The following TSHZ1 variants were observed in gnomAD, a reference collection of about 807,000 sequenced individuals.
TSHZ1 encodes teashirt homolog 1.
A neutral mutation model predicts 67.1 loss-of-function variants in TSHZ1; 12 were observed. That is an observed-to-expected ratio of 0.18 (90% confidence interval 0.11 to 0.29). TSHZ1 has a LOEUF of 0.29. Ranked by LOEUF, TSHZ1 falls within the 10% of genes least tolerant of loss-of-function variation. The pLI, the probability that TSHZ1 is intolerant of heterozygous loss-of-function variation, is 1.00. For synonymous variants in TSHZ1, 632 were observed against 622.4 expected (o/e 1.02, Z -0.23); for missense variants, 1,305 against 1,413.9 (o/e 0.92, Z 1.23).
intron 1 of TSHZ1, among the ~76,000 whole-genome samples, chr18:75,231,050 A>T (rs554306130): frequency 6.6e-6 from 1 of 152,146 alleles, no homozygotes; most frequent in Non-Finnish European, 1.5e-5. Context: ...GGCCAGCCTG[A>T]TGGTGTTTTT....
At chr18:75,265,105 G>C (rs1359543529) in intron 1 of TSHZ1, among the ~76,000 whole-genome samples, 2 of 152,186 alleles carry the variant, frequency 1.3e-5, no homozygotes, top group Non-Finnish European at 2.9e-5. Flanking sequence ...CCGTGGTAGA[G>C]AAATGTTTTG....
rs138461444 is a variant in TSHZ1 at position 75,289,250 on chromosome 18, A to C, written c.*609A>C. 0.021 allele frequency: 3,497 copies of C among 166,972 alleles called. 117 individuals are homozygous for C. Among genetic ancestry groups the C allele is most frequent in the African/African-American group, 0.075 (3,131 of 41,498 alleles). 10.3% of individuals were successfully genotyped at this position (166,972 alleles called of 1,614,324 possible). A position where few individuals can be genotyped will look rare whatever the true frequency, so the allele number is the denominator to read the frequency against. ...GCTGTCTAGGACTCACGGGGTTCGG[A>C]AGCCACACCTCTACATGTCTAAAAC... On this transcript the variant is annotated 3_prime_UTR_variant, in exon 2 of 2. Transcript: ENST00000580243.
intron 1 of TSHZ1, among the ~76,000 whole-genome samples, chr18:75,215,251 C>T (rs181155319): frequency 6.6e-6 from 1 of 152,338 alleles, no homozygotes; most frequent in East Asian, 1.9e-4. Flanking sequence ...CAGAATAGAT[C>T]TGTACCAGAG....
At chr18:75,261,694 G>A (rs1467092068) in intron 1 of TSHZ1, among the ~76,000 whole-genome samples, 1 of 152,226 alleles carries the variant, frequency 6.6e-6, no homozygotes, top group Non-Finnish European at 1.5e-5. Context: ...ACTGATAAGA[G>A]GAAGTCACAG....
intron 1 of TSHZ1, among the ~76,000 whole-genome samples, chr18:75,277,298 C>T (rs770200063): frequency 6.6e-6 from 1 of 152,130 alleles, no homozygotes; most frequent in Non-Finnish European, 1.5e-5. Flanking sequence ...ATTTGAGTGG[C>T]ATGAAGCTAA....
At chr18:75,248,124 T>C (rs2023247281) in intron 1 of TSHZ1, among the ~76,000 whole-genome samples, 1 of 152,214 alleles carries the variant, frequency 6.6e-6, no homozygotes, top group South Asian at 2.1e-4. Context: ...TATGTGAGCT[T>C]ACAAAAATGT....
intron 1 of TSHZ1, among the ~76,000 whole-genome samples, chr18:75,258,385 G>A (rs753860933): frequency 9.2e-5 from 14 of 152,124 alleles, no homozygotes; most frequent in Non-Finnish European, 1.9e-4. Flanking sequence ...ATGTAGTAAC[G>A]GTTGCTTTCA....
At position 75,232,228 on chromosome 18, in the gene TSHZ1, G is replaced by T. The variant is rs58641902; in HGVS notation, c.40+20312G>T. On this transcript the variant is annotated intron_variant, in intron 1 of 1. Coordinates refer to ENST00000580243, the MANE Select transcript of TSHZ1 (RefSeq NM_001308210.2). ...GCGCCCGGACTTTTTTTTAGTAATT[G>T]AGGCTAGATTTCCCTCATTTTGAAT... Among the ~76,000 whole-genome samples the T allele has an allele frequency of 7.2e-5, 11 of 152,182 alleles. 1 individual carries two copies. In the East Asian group the frequency reaches 1.9e-3, roughly 27 times the overall value.
intron 1 of TSHZ1, among the ~76,000 whole-genome samples, chr18:75,253,838 T>C (rs2023333103): frequency 6.6e-6 from 1 of 152,274 alleles, no homozygotes; most frequent in Non-Finnish European, 1.5e-5. Context: ...GAAGGCCTTT[T>C]GCAGATATTG....
At chr18:75,221,545 T>C (rs1376084383) in intron 1 of TSHZ1, among the ~76,000 whole-genome samples, 5 of 152,260 alleles carry the variant, frequency 3.3e-5, no homozygotes, top group Admixed American at 2.0e-4. Flanking sequence ...ATATGCCTTA[T>C]TGGCAAGTCA....
In TSHZ1 at chr18:75,237,791, C is replaced by CTTTCATTTATTTATTT. The variant is rs150217532; in HGVS notation, c.40+25875_40+25876insTTTCATTTATTTATTT. Among the ~76,000 whole-genome samples the CTTTCATTTATTTATTT allele has an allele frequency of 1.7e-3, 244 of 143,562 alleles. 2 individuals carry two copies. The highest frequency in any genetic ancestry group is 6.1e-3 in the African/African-American group (222 of 36,618). 94.2% of individuals were successfully genotyped at this position (143,562 alleles called of 152,430 possible). On this transcript the variant is annotated intron_variant, in intron 1 of 1. Transcript: ENST00000580243. ...AATTAGACTGAAGCCTTCTTTCTTT[C>CTTTCATTTATTTATTT]ATTTATTTATTTATTTATTTATTTA...
intron 1 of TSHZ1, among the ~76,000 whole-genome samples, chr18:75,249,975 T>TG (rs1032106240): frequency 8.0e-4 from 110 of 136,724 alleles, no homozygotes; most frequent in African/African-American, 1.7e-3. Flanking sequence ...CTCCAGTTGG[T>TG]GGGGGGCGCA....
At chr18:75,235,858 C>A (rs981428802) in intron 1 of TSHZ1, among the ~76,000 whole-genome samples, 1 of 152,212 alleles carries the variant, frequency 6.6e-6, no homozygotes, top group African/African-American at 2.4e-5. Context: ...CCTCCTCCAG[C>A]GTCTGTCTGG....
rs1387386021 is a variant in TSHZ1 at position 75,286,075 on chromosome 18, T to G, written c.668T>G (p.Phe223Cys). The G allele has an allele frequency of 6.2e-7, 1 of 1,613,212 alleles. No homozygotes were observed. The highest frequency in any genetic ancestry group is 1.1e-5 in the South Asian group (1 of 91,002). Reference sequence around the variant, plus strand: ...GGGCTGCTTCCTGAGCCCAGCCTGTTCAGCACCGTGCAGCTCTACCGCCAG... The same window carrying G: ...GGGCTGCTTCCTGAGCCCAGCCTGTGCAGCACCGTGCAGCTCTACCGCCAG... ...SYGLLPEPSL[F>C]STVQLYRQNN... The change falls in exon 2 of 2, where the codon TTC becomes TGC. Residue 223 changes from phenylalanine (F) to cysteine (C), a missense_variant. Phe to Cys is a radical substitution (Grantham distance 205, BLOSUM62 -2). Coordinates refer to ENST00000580243, the MANE Select transcript of TSHZ1 (RefSeq NM_001308210.2). The surrounding 1 kb of genome is among the most constrained non-coding windows in gnomAD (Gnocchi z 5.1).
intron 1 of TSHZ1, among the ~76,000 whole-genome samples, chr18:75,233,829 C>T (rs963674062): frequency 6.6e-6 from 1 of 152,144 alleles, no homozygotes; most frequent in African/African-American, 2.4e-5. Flanking sequence ...TAGCGAGCAT[C>T]CGCACGCCCG....
intron 1 of TSHZ1, among the ~76,000 whole-genome samples, chr18:75,213,332 A>T (rs2122507442): frequency 6.6e-6 from 1 of 152,362 alleles, no homozygotes; most frequent in Non-Finnish European, 1.5e-5. Context: ...AATAACTTTG[A>T]GTAATGGAGG....
Position 75,285,711 on chromosome 18 carries a change from T to C in TSHZ1, c.304T>C (p.Cys102Arg), listed in dbSNP as rs886054112. Residue 102 changes from cysteine (C) to arginine (R), a missense_variant, in exon 2 of 2, where the codon TGT (cysteine) becomes CGT (arginine). Physicochemically the swap from Cys to Arg is radical, Grantham distance 180. Transcript: ENST00000580243. ...TCGAGAAGAGAAGGAGGATCCGCAG[T>C]GTCCCGACAGCGTCTCGTACCCCCA... Reference protein sequence around the residue: ...SSREEKEDPQCPDSVSYPQDS... With the variant: ...SSREEKEDPQRPDSVSYPQDS... 18 of 1,614,118 alleles carry C rather than the reference T, an allele frequency of 1.1e-5. No homozygotes were observed. The highest frequency in any genetic ancestry group is 4.5e-5 in the East Asian group (2 of 44,882).
At chr18:75,250,880 G>A (rs1180974513) in intron 1 of TSHZ1, among the ~76,000 whole-genome samples, 3 of 152,158 alleles carry the variant, frequency 2.0e-5, no homozygotes, top group East Asian at 1.9e-4. Flanking sequence ...TTCTGCAGCC[G>A]ACGAAGGGTG....
intron 1 of TSHZ1, among the ~76,000 whole-genome samples, chr18:75,263,872 A>G (rs2023458707): frequency 6.6e-6 from 1 of 152,194 alleles, no homozygotes; most frequent in Non-Finnish European, 1.5e-5. Flanking sequence ...GAAAGAAGCA[A>G]CTGTTGATTT....
Sources: gnomAD v4.1 joint callset for allele counts (sites outside exome capture counted in the v4.1 genomes callset) on GRCh38, gnomAD v4.1.1 for gene constraint, Gnocchi (gnomAD v3.1) non-coding constraint, MANE v1.5 for transcripts, NCBI Gene and HGNC (gene_info 2026-07-23, HGNC 2026-07-21) for gene names.